Variants in OR51L1 observed in about 807,000 individuals in gnomAD.
The protein encoded by OR51L1 is olfactory receptor 51L1.
In OR51L1, 1 loss-of-function variant was observed where a neutral mutation model predicts 1.4. The ratio of observed to expected loss-of-function variants is 0.72; its 90% CI spans 0.26 to 3.42. OR51L1 has a LOEUF of 3.42. OR51L1 is among the 30% of genes most tolerant of loss of function. OR51L1 has a pLI of 0.20. For synonymous variants in OR51L1, 156 were observed against 144.2 expected (o/e 1.08, Z -0.59); for missense variants, 378 against 380.0 (o/e 0.99, Z 0.04).
At position 4,999,318 on chromosome 11, in the gene OR51L1, G is replaced by A; in HGVS notation, c.336G>A (p.Leu112=). The change falls in exon 3 of 3, where the codon CTG becomes CTA. Residue 112 remains leucine, a synonymous_variant. Transcript: ENST00000641819. ...TCTTCATCCACACATTCACATTCCT[G>A]GAGTCCTCAGTGTTGCTGGCCATGG... is the stretch of plus-strand genomic sequence containing the variant. ...QLFFIHTFTF[L]ESSVLLAMAF... is the part of the protein sequence containing the mutation. 2 of 1,614,088 alleles carry A rather than the reference G, an allele frequency of 1.2e-6. No individual in the cohort carries two copies. The highest frequency in any genetic ancestry group is 1.7e-6 in the Non-Finnish European group (2 of 1,180,018).
chr11:4,998,619 C>G (rs1002797498), intron 2 of OR51L1, among the ~76,000 whole-genome samples: 13 of 152,060 alleles, frequency 8.5e-5, no homozygotes, highest in Non-Finnish European at 4.4e-5. Context: ...ACAAATCCAT[C>G]GACATTCACT....
chr11:5,000,196 A>G lies in OR51L1; in HGVS notation c.*266A>G. On this transcript the variant is annotated 3_prime_UTR_variant, in exon 3 of 3. Transcript: ENST00000641819. Reference sequence around the variant, plus strand: ...TGCTAAGTCAAGTTTTTTGAAAACTATACAAAATTATTAATGTTATTAAGT... The same window carrying G: ...TGCTAAGTCAAGTTTTTTGAAAACTGTACAAAATTATTAATGTTATTAAGT... 1 of 321,760 alleles carries G rather than the reference A, an allele frequency of 3.1e-6. No homozygotes were observed. Among genetic ancestry groups the G allele is most frequent in the Non-Finnish European group, 5.7e-6 (1 of 176,184 alleles). The allele number at this position is 321,760 out of a possible 1,614,324, so 19.9% of individuals were successfully genotyped here.
rs753993116 is a variant in OR51L1 at position 5,004,418 on chromosome 11, G to C, written c.*4488G>C. Reference sequence around the variant, plus strand: ...AAATCACAGTTTGGACTGACAAGCTGGAAACACCCCTCCAGGGTCCAAATA... The same window carrying C: ...AAATCACAGTTTGGACTGACAAGCTCGAAACACCCCTCCAGGGTCCAAATA... On this transcript the variant is annotated 3_prime_UTR_variant, in exon 3 of 3. Transcript: ENST00000641819. 6.6e-6 allele frequency: 1 copy of C among 152,150 alleles called. No individual in the cohort carries two copies. Among genetic ancestry groups the C allele is most frequent in the Non-Finnish European group, 1.5e-5 (1 of 68,058 alleles). The allele number at this position is 152,150 out of a possible 1,614,324, so 9.4% of individuals were successfully genotyped here. A position where few individuals can be genotyped will look rare whatever the true frequency, so the allele number is the denominator to read the frequency against.
In OR51L1 at chr11:4,998,872, A is replaced by T. The variant is rs891730600; in HGVS notation, c.-111A>T. The T allele has an allele frequency of 4.2e-6, 5 of 1,182,024 alleles. No homozygotes were observed. The African/African-American group carries it at 7.7e-5, about 18-fold the overall frequency. The allele number at this position is 1,182,024 out of a possible 1,614,324, so 73.2% of individuals were successfully genotyped here. A position where few individuals can be genotyped will look rare whatever the true frequency, so the allele number is the denominator to read the frequency against. On this transcript the variant is annotated 5_prime_UTR_variant, in exon 3 of 3. An upstream start codon of the reference 5' UTR is lost. Transcript: ENST00000641819. ...CTTCCTCTGTGAGGTTAGACGAAAG[A>T]TGTATTTTTGTCCTCATTCCATTAT...
chr11:5,002,826 T>C lies in OR51L1; in HGVS notation c.*2896T>C, dbSNP rs1473583990. ...ATGATTATCCCAGGGATTCTCTTAT[T>C]AAACAAACTGCACACTAAATTTTAC... On this transcript the variant is annotated 3_prime_UTR_variant, in exon 3 of 3. Transcript: ENST00000641819. 6.6e-6 allele frequency: 1 copy of C among 152,198 alleles called. No individual in the cohort carries two copies. The allele number at this position is 152,198 out of a possible 1,614,324, so 9.4% of individuals were successfully genotyped here. A position where few individuals can be genotyped will look rare whatever the true frequency, so the allele number is the denominator to read the frequency against.
At position 5,004,936 on chromosome 11, in the gene OR51L1, A is replaced by G. The variant is rs1269560337; in HGVS notation, c.*5006A>G. 2.0e-5 allele frequency: 3 copies of G among 152,190 alleles called. No homozygotes were observed. Among genetic ancestry groups the G allele is most frequent in the African/African-American group, 7.2e-5 (3 of 41,452 alleles). The allele number at this position is 152,190 out of a possible 1,614,324, so 9.4% of individuals were successfully genotyped here. A position where few individuals can be genotyped will look rare whatever the true frequency, so the allele number is the denominator to read the frequency against. On this transcript the variant is annotated 3_prime_UTR_variant, in exon 3 of 3. Coordinates refer to ENST00000641819, the MANE Select transcript of OR51L1 (RefSeq NM_001004755.2). ...CAGTCAGAACTATGTAAAAGAAAAT[A>G]AAAATTGAAGGACCCCCCAAACTTG... is the stretch of plus-strand genomic sequence containing the variant.
rs1265183633 is a variant in OR51L1 at position 5,004,369 on chromosome 11, C to T, written c.*4439C>T. On this transcript the variant is annotated 3_prime_UTR_variant, in exon 3 of 3. Transcript: ENST00000641819. ...GGCATTGGCAAGCAAATGATAACCCCCCTTTGAAGTACAGGTGGGCAGCAA... is the reference window on the plus strand; with the variant it reads ...GGCATTGGCAAGCAAATGATAACCCTCCTTTGAAGTACAGGTGGGCAGCAA... 2.0e-5 allele frequency: 3 copies of T among 152,086 alleles called. No homozygotes were observed. Among genetic ancestry groups the T allele is most frequent in the Non-Finnish European group, 4.4e-5 (3 of 68,042 alleles). The allele number at this position is 152,086 out of a possible 1,614,324, so 9.4% of individuals were successfully genotyped here.
chr11:4,999,732 GCTTAT>G lies in OR51L1; in HGVS notation c.754_758del (p.Ile252LeufsTer37). The G allele has an allele frequency of 6.2e-7, 1 of 1,614,000 alleles. No individual in the cohort carries two copies. The highest frequency in any genetic ancestry group is 8.5e-7 in the Non-Finnish European group (1 of 1,179,968). The stretch of plus-strand genomic sequence containing the variant: ...CATGTGTATCCCATATCTGTGTGGT[GCTTAT>G]CTTCTTTGTGCCAGTTATTGGGGTG... On this transcript the variant is annotated frameshift_variant, in exon 3 of 3. Transcript: ENST00000641819. LOFTEE classifies it high-confidence loss of function.
Position 5,000,076 on chromosome 11 carries a change from C to A in OR51L1, c.*146C>A. ...CATGTAATTTCAGTTAATCTTTAACCAATATGAAACTCAGGATTTTTTTGG... is the reference window on the plus strand; with the variant it reads ...CATGTAATTTCAGTTAATCTTTAACAAATATGAAACTCAGGATTTTTTTGG... On this transcript the variant is annotated 3_prime_UTR_variant, in exon 3 of 3. Coordinates refer to ENST00000641819, the MANE Select transcript of OR51L1 (RefSeq NM_001004755.2). The A allele has an allele frequency of 2.3e-6, 2 of 860,510 alleles. No individual in the cohort carries two copies. Among genetic ancestry groups the A allele is most frequent in the Non-Finnish European group, 3.4e-6 (2 of 593,180 alleles). The allele number at this position is 860,510 out of a possible 1,614,324, so 53.3% of individuals were successfully genotyped here.
Position 5,000,869 on chromosome 11 carries a change from T to C in OR51L1, c.*939T>C, listed in dbSNP as rs904050290. On this transcript the variant is annotated 3_prime_UTR_variant, in exon 3 of 3. Coordinates refer to ENST00000641819, the MANE Select transcript of OR51L1 (RefSeq NM_001004755.2). ...GTCTGGCCAGTGGGGGAGAATTTGG[T>C]AGGGTGCTTGGTTTGTTTTAAGACT... 7 of 152,340 alleles carry C rather than the reference T, an allele frequency of 4.6e-5. No individual in the cohort carries two copies. The highest frequency in any genetic ancestry group is 8.8e-5 in the Non-Finnish European group (6 of 68,186). The allele number at this position is 152,340 out of a possible 1,614,324, so 9.4% of individuals were successfully genotyped here. A position where few individuals can be genotyped will look rare whatever the true frequency, so the allele number is the denominator to read the frequency against.
chr11:4,999,303 C>T lies in OR51L1; in HGVS notation c.321C>T (p.His107=). 3 of 1,614,164 alleles carry T rather than the reference C, an allele frequency of 1.9e-6. No individual in the cohort carries two copies. The highest frequency in any genetic ancestry group is 2.5e-6 in the Non-Finnish European group (3 of 1,180,014). The change falls in exon 3 of 3, where the codon CAC becomes CAT. Residue 107 remains histidine (H), a synonymous_variant. Transcript: ENST00000641819. ...SACYAQLFFI[H]TFTFLESSVL... Reference sequence around the variant, plus strand: ...GCTATGCTCAGCTGTTCTTCATCCACACATTCACATTCCTGGAGTCCTCAG... The same window carrying T: ...GCTATGCTCAGCTGTTCTTCATCCATACATTCACATTCCTGGAGTCCTCAG...
Position 5,001,433 on chromosome 11 carries a change from A to C in OR51L1, c.*1503A>C, listed in dbSNP as rs1847130832. The C allele has an allele frequency of 6.6e-6, 1 of 152,240 alleles. No individual in the cohort carries two copies. The highest frequency in any genetic ancestry group is 1.5e-5 in the Non-Finnish European group (1 of 68,030). The allele number at this position is 152,240 out of a possible 1,614,324, so 9.4% of individuals were successfully genotyped here. A position where few individuals can be genotyped will look rare whatever the true frequency, so the allele number is the denominator to read the frequency against. On this transcript the variant is annotated 3_prime_UTR_variant, in exon 3 of 3. Transcript: ENST00000641819. ...ATTGTTGAAGAAAGCCTGACAGTAC[A>C]TGTCTAACCATCTGGGCAATTGTGT...
Position 5,004,299 on chromosome 11 carries a change from G to A in OR51L1, c.*4369G>A, listed in dbSNP as rs541071015. The A allele has an allele frequency of 6.6e-6, 1 of 152,316 alleles. No individual in the cohort carries two copies. Among genetic ancestry groups the A allele is most frequent in the South Asian group, 2.1e-4 (1 of 4,826 alleles). The allele number at this position is 152,316 out of a possible 1,614,324, so 9.4% of individuals were successfully genotyped here. A position where few individuals can be genotyped will look rare whatever the true frequency, so the allele number is the denominator to read the frequency against. ...GATTCCTTTTCAGGACTGAGTAGTA[G>A]GAAGCACCAGGTGAGCTGAGGCTTG... On this transcript the variant is annotated 3_prime_UTR_variant, in exon 3 of 3. Transcript: ENST00000641819.
rs1003115462 is a variant in OR51L1, at chr11:4,994,988, A to G, written c.-609A>G. 9 of 152,218 alleles carry G rather than the reference A, an allele frequency of 5.9e-5. No homozygotes were observed. Among genetic ancestry groups the G allele is most frequent in the Non-Finnish European group, 1.3e-4 (9 of 68,048 alleles). The allele number at this position is 152,218 out of a possible 1,614,324, so 9.4% of individuals were successfully genotyped here. A position where few individuals can be genotyped will look rare whatever the true frequency, so the allele number is the denominator to read the frequency against. On this transcript the variant is annotated 5_prime_UTR_variant, in exon 1 of 3. Transcript: ENST00000641819. ...GCCCGTAAGAGCAGCAACTTAAACC[A>G]CAGACACACAAAGAGAAATTAGAAG... is the stretch of plus-strand genomic sequence containing the variant.
chr11:4,996,038 G>T (rs899434109), intron 1 of OR51L1, among the ~76,000 whole-genome samples: 1 of 152,068 alleles, frequency 6.6e-6, no homozygotes, highest in Admixed American at 6.6e-5. Context: ...CATGACCACA[G>T]TTCATAATAT....
intron 1 of OR51L1, among the ~76,000 whole-genome samples, chr11:4,996,769 C>CTTTCTTT (rs1554896491): frequency 1.2e-5 from 1 of 84,692 alleles, no homozygotes; most frequent in Admixed American, 1.2e-4. Flanking sequence ...TTCTTTCTTT[C>CTTTCTTT]ATTTCTCTCT....
At position 5,001,399 on chromosome 11, in the gene OR51L1, G is replaced by C. The variant is rs1847130139; in HGVS notation, c.*1469G>C. The C allele has an allele frequency of 6.6e-6, 1 of 152,184 alleles. No homozygotes were observed. The highest frequency in any genetic ancestry group is 2.4e-5 in the African/African-American group (1 of 41,446). 9.4% of individuals were successfully genotyped at this position (152,184 alleles called of 1,614,324 possible). On this transcript the variant is annotated 3_prime_UTR_variant, in exon 3 of 3. Coordinates refer to ENST00000641819, the MANE Select transcript of OR51L1 (RefSeq NM_001004755.2). Reference sequence around the variant, plus strand: ...TATTTTAAAGAAAATGGGGTACTCAGTTACAGGAATTGTTGAAGAAAGCCT... The same window carrying C: ...TATTTTAAAGAAAATGGGGTACTCACTTACAGGAATTGTTGAAGAAAGCCT...
Position 5,001,423 on chromosome 11 carries a change from C to T in OR51L1, c.*1493C>T, listed in dbSNP as rs1847130699. On this transcript the variant is annotated 3_prime_UTR_variant, in exon 3 of 3. Transcript: ENST00000641819. ...AGTTACAGGAATTGTTGAAGAAAGC[C>T]TGACAGTACATGTCTAACCATCTGG... The T allele has an allele frequency of 6.6e-6, 1 of 152,056 alleles. No individual in the cohort carries two copies. Among genetic ancestry groups the T allele is most frequent in the South Asian group, 2.1e-4 (1 of 4,818 alleles). The allele number at this position is 152,056 out of a possible 1,614,324, so 9.4% of individuals were successfully genotyped here. A position where few individuals can be genotyped will look rare whatever the true frequency, so the allele number is the denominator to read the frequency against.
rs1236186124 is a variant in OR51L1 at position 5,003,849 on chromosome 11, G to A, written c.*3919G>A. 1 of 152,124 alleles carries A rather than the reference G, an allele frequency of 6.6e-6. No homozygotes were observed. The highest frequency in any genetic ancestry group is 1.5e-5 in the Non-Finnish European group (1 of 68,034). 9.4% of individuals were successfully genotyped at this position (152,124 alleles called of 1,614,324 possible). ...AATCTATGTACTTTCTTAATAGTAT[G>A]TCTGATGACTAGAAATGTTCTTAAT... On this transcript the variant is annotated 3_prime_UTR_variant, in exon 3 of 3. Coordinates refer to ENST00000641819, the MANE Select transcript of OR51L1 (RefSeq NM_001004755.2).
Sources: allele counts gnomAD v4.1 joint callset (sites outside exome capture counted in the v4.1 genomes callset), GRCh38; gene constraint gnomAD v4.1.1; transcripts MANE v1.5; gene names NCBI Gene and HGNC (gene_info 2026-07-23, HGNC 2026-07-21).